Variants in NCOA2 observed in about 807,000 individuals in gnomAD.
The protein encoded by NCOA2 is class E basic helix-loop-helix protein 75.
A neutral mutation model predicts 145.1 loss-of-function variants in NCOA2; 21 were observed. The ratio of observed to expected loss-of-function variants is 0.14; its 90% CI spans 0.10 to 0.21. The LOEUF is 0.21. Ranked by LOEUF, NCOA2 falls within the 10% of genes least tolerant of loss-of-function variation. NCOA2 has a pLI of 1.00. For missense variants in NCOA2, 1,472 were observed against 1,837.6 expected (o/e 0.80, Z 3.64); for synonymous variants, 619 against 637.5 (o/e 0.97, Z 0.44).
chr8:70,128,479 T>C lies in NCOA2; in HGVS notation c.3635A>G (p.Asn1212Ser), dbSNP rs150532560. Residue 1212 changes from asparagine to serine, a missense_variant, in exon 18 of 23, where the codon AAT (asparagine) becomes AGT (serine). Coordinates refer to ENST00000452400, the MANE Select transcript of NCOA2 (RefSeq NM_006540.4). ...NRQPLMNQISNVSNVNLTLRP... is the reference protein window; with the variant it reads ...NRQPLMNQISSVSNVNLTLRP... ...CAGAGTCAAGTTCACATTGGAAACA[T>C]TGCTGATTTGATTCATAAGTGGCTG... 8.0e-4 allele frequency: 1,296 copies of C among 1,613,098 alleles called. 11 individuals are homozygous for C. In the African/African-American group the frequency reaches 0.015, roughly 18 times the overall value.
intron 18 of NCOA2, 150 bp from the exon 19 acceptor site, chr8:70,127,197 A>T: frequency 3.2e-6 from 2 of 625,750 alleles, no homozygotes; most frequent in Non-Finnish European, 5.7e-6. Flanking sequence ...CTCAGAGTTG[A>T]ACAACTAGTG....
chr8:70,439,177 C>A, the NCOA2 span, among the ~76,000 whole-genome samples: 1 of 152,144 alleles, frequency 6.6e-6, no homozygotes, highest in African/African-American at 2.4e-5. Context: ...GTTTGTATGT[C>A]TCTTGCTATG....
chr8:70,125,027 A>G (rs914189496), intron 19 of NCOA2, among the ~76,000 whole-genome samples, 162 bp from the exon 20 acceptor site: 1 of 152,168 alleles, frequency 6.6e-6, no homozygotes, highest in African/African-American at 2.4e-5. Context: ...AAAGATTCCA[A>G]GCTCGGATAA....
Position 70,131,721 on chromosome 8 carries a change from A to G in NCOA2, c.3324+116T>C. The stretch of plus-strand genomic sequence containing the variant: ...CAGGGCCAGCCTGTTTTGAGGTAAA[A>G]AAAACAACAACAATATATTCTAAAA... On this transcript the variant is annotated intron_variant, in intron 16 of 22. Transcript: ENST00000452400. The G allele has an allele frequency of 4.3e-6, 5 of 1,161,358 alleles. No homozygotes were observed. In the South Asian group the frequency reaches 6.7e-5, roughly 16 times the overall value. 71.9% of individuals were successfully genotyped at this position (1,161,358 alleles called of 1,614,324 possible).
At chr8:70,150,239 C>A (rs1002125187) in intron 11 of NCOA2, among the ~76,000 whole-genome samples, 1 of 152,148 alleles carries the variant, frequency 6.6e-6, no homozygotes, top group African/African-American at 2.4e-5. Flanking sequence ...ACAGGAGAGT[C>A]AGTTATGAAT....
intron 4 of NCOA2, among the ~76,000 whole-genome samples, chr8:70,176,452 A>C (rs1814859159): frequency 6.6e-6 from 1 of 151,826 alleles, no homozygotes; most frequent in African/African-American, 2.4e-5. Context: ...GGTCCTGTAC[A>C]TTTGTTCTGT....
chr8:70,148,489 G>A lies in NCOA2; in HGVS notation c.2395-6C>T. On this transcript the variant is annotated splice_region_variant and splice_polypyrimidine_tract_variant and intron_variant, in intron 11 of 22. Transcript: ENST00000452400. ...TTGTCCAGCTCACTGCCAGGCTGTA[G>A]TTGACAAACAGAAGAGTTTATCCAG... The A allele has an allele frequency of 6.2e-7, 1 of 1,612,200 alleles. No homozygotes were observed. Among genetic ancestry groups the A allele is most frequent in the Non-Finnish European group, 8.5e-7 (1 of 1,179,576 alleles).
intron 5 of NCOA2, among the ~76,000 whole-genome samples, chr8:70,172,236 T>C (rs551288320): frequency 5.9e-5 from 9 of 152,320 alleles, no homozygotes; most frequent in Middle Eastern, 3.4e-3. Context: ...GCTGGGATTA[T>C]AGGCATGAGC....
intron 1 of NCOA2, among the ~76,000 whole-genome samples, chr8:70,314,057 A>G (rs1382456376): frequency 3.3e-5 from 5 of 151,106 alleles, no homozygotes; most frequent in African/African-American, 1.2e-4. Context: ...GCGGACGCCT[A>G]TAGTCCCAGC....
At chr8:70,292,549 GAAAA>G (rs199760603) in intron 2 of NCOA2, among the ~76,000 whole-genome samples, 1 of 101,414 alleles carries the variant, frequency 9.9e-6, no homozygotes, top group Non-Finnish European at 2.1e-5. Flanking sequence ...TCCATCTCAG[GAAAA>G]AAAAAAAAAA....
intron 4 of NCOA2, among the ~76,000 whole-genome samples, chr8:70,194,907 T>C (rs1286694303): frequency 1.3e-5 from 2 of 152,144 alleles, no homozygotes; most frequent in South Asian, 4.1e-4. Flanking sequence ...GGTTTAATTG[T>C]CTTTCCACTT....
intron 1 of NCOA2, among the ~76,000 whole-genome samples, chr8:70,319,056 C>A (rs1373469995): frequency 6.6e-6 from 1 of 152,162 alleles, no homozygotes; most frequent in Non-Finnish European, 1.5e-5. Context: ...AGTAAACTTT[C>A]CACATTAACA....
the NCOA2 span, among the ~76,000 whole-genome samples, chr8:70,413,410 A>G: frequency 6.6e-6 from 1 of 152,182 alleles, no homozygotes; most frequent in Admixed American, 6.5e-5. Flanking sequence ...CTGAAACACT[A>G]CATCCGGGAA....
chr8:70,384,983 G>A (rs1812528371), intron 1 of NCOA2, among the ~76,000 whole-genome samples: 1 of 152,192 alleles, frequency 6.6e-6, no homozygotes, highest in Non-Finnish European at 1.5e-5. Flanking sequence ...ACTCTAAACA[G>A]TGAATAATTA....
At chr8:70,131,723 AAAC>A (rs1215863099) in intron 16 of NCOA2, 111 bp downstream of exon 16, 44 of 1,173,704 alleles carry the variant, frequency 3.7e-5, no homozygotes, top group Admixed American at 2.0e-4. Flanking sequence ...GAGGTAAAAA[AAAC>A]AACAACAATA....
intron 1 of NCOA2, among the ~76,000 whole-genome samples, chr8:70,336,590 G>A (rs1807611729): frequency 6.8e-6 from 1 of 146,960 alleles, no homozygotes; most frequent in Admixed American, 6.6e-5. Flanking sequence ...TTACATGGTG[G>A]CAGGAGAGAC....
chr8:70,337,197 AGGAGTGT>A (rs1807678997), intron 1 of NCOA2, among the ~76,000 whole-genome samples: 1 of 136,398 alleles, frequency 7.3e-6, no homozygotes, highest in East Asian at 2.0e-4. Flanking sequence ...AGCACTGCTG[AGGAGTGT>A]GTGTGTGTGT....
At chr8:70,393,459 C>T (rs1813384814) in intron 1 of NCOA2, among the ~76,000 whole-genome samples, 1 of 152,174 alleles carries the variant, frequency 6.6e-6, no homozygotes, top group Non-Finnish European at 1.5e-5. Context: ...CTCTATCTAC[C>T]TACCAAAGGC....
chr8:70,219,491 G>C (rs889025918), intron 2 of NCOA2, among the ~76,000 whole-genome samples: 1 of 152,168 alleles, frequency 6.6e-6, no homozygotes, highest in African/African-American at 2.4e-5. Context: ...CAAGGGGAAA[G>C]TGGGGTGGAG....
Sources: gnomAD v4.1 joint callset for allele counts (sites outside exome capture counted in the v4.1 genomes callset) on GRCh38, gnomAD v4.1.1 for gene constraint, MANE v1.5 for transcripts, NCBI Gene and HGNC (gene_info 2026-07-23, HGNC 2026-07-21) for gene names.